Variants in CCDC73 observed in about 807,000 individuals in gnomAD.
CCDC73 encodes coiled-coil domain containing 73, also known as coiled-coil domain-containing protein 73.
A neutral mutation model predicts 116.5 loss-of-function variants in CCDC73; 95 were observed. The observed-to-expected ratio is 0.82, with a 90% CI of 0.69 to 0.97. The LOEUF (loss-of-function observed/expected upper bound fraction) is 0.97, where lower values mean the gene tolerates loss of function less well. CCDC73 is among the 50% of genes least tolerant of loss of function. The pLI is 0.00. For missense variants in CCDC73, 1,066 were observed against 1,206.8 expected (o/e 0.88, Z 1.73); for synonymous variants, 398 against 401.3 (o/e 0.99, Z 0.10).
chr11:32,759,612 C>A (rs1850373592), intron 2 of CCDC73, among the ~76,000 whole-genome samples: 5 of 152,068 alleles, frequency 3.3e-5, no homozygotes, highest in Admixed American at 3.3e-4. Flanking sequence ...CTAGACATAT[C>A]CTTTAAGAAA....
intron 2 of CCDC73, among the ~76,000 whole-genome samples, chr11:32,722,075 A>G (rs1849995048): frequency 2.0e-5 from 3 of 152,192 alleles, no homozygotes; most frequent in Admixed American, 2.0e-4. Context: ...TCTCACATGA[A>G]CAGGAGTCTA....
intron 14 of CCDC73, among the ~76,000 whole-genome samples, chr11:32,620,539 A>G (rs2133227187): frequency 7.3e-6 from 1 of 136,272 alleles, no homozygotes; most frequent in South Asian, 2.4e-4. Flanking sequence ...GGAACCTGGG[A>G]GGCGGAGCTT....
rs1261334992 is a variant in CCDC73 at position 32,602,870 on chromosome 11, T to TGTCA, written c.3177_3180dup (p.Asn1061Ter). The TGTCA allele has an allele frequency of 6.2e-7, 1 of 1,611,906 alleles. No homozygotes were observed. Among genetic ancestry groups the TGTCA allele is most frequent in the Admixed American group, 1.7e-5 (1 of 59,710 alleles). On this transcript the variant is annotated stop_gained and frameshift_variant, in exon 18 of 18. Transcript: ENST00000335185. LOFTEE classifies it high-confidence loss of function. ...TCTGCTTTTCTTTTCTTTGGCTGGT[T>TGTCA]GTCATTTTCTAAACTTAGTAAATTT...
intron 1 of CCDC73, among the ~76,000 whole-genome samples, chr11:32,781,225 G>A (rs1296256822): frequency 6.6e-6 from 1 of 152,136 alleles, no homozygotes; most frequent in African/African-American, 2.4e-5. Flanking sequence ...AGGACTCAGA[G>A]TCTTCTAATT....
intron 17 of CCDC73, among the ~76,000 whole-genome samples, chr11:32,607,360 G>A (rs1855368290): frequency 6.6e-6 from 1 of 151,956 alleles, no homozygotes; most frequent in Non-Finnish European, 1.5e-5. Context: ...CCAAAGTGCT[G>A]GGATTACAGG....
chr11:32,793,704 G>A (rs1245211335), intron 1 of CCDC73, among the ~76,000 whole-genome samples: 1 of 151,848 alleles, frequency 6.6e-6, no homozygotes, highest in African/African-American at 2.4e-5. Flanking sequence ...TCCGCCTCCC[G>A]GGTTCAAGCA....
chr11:32,785,000 C>A (rs1315034313), intron 1 of CCDC73, among the ~76,000 whole-genome samples: 1 of 151,998 alleles, frequency 6.6e-6, no homozygotes, highest in African/African-American at 2.4e-5. Flanking sequence ...ACGGTGAAAC[C>A]CCATCTCTAC....
chr11:32,663,269 T>G (rs989612349), intron 9 of CCDC73, among the ~76,000 whole-genome samples: 27 of 152,294 alleles, frequency 1.8e-4, no homozygotes, highest in South Asian at 4.1e-4. Context: ...AAATTACCTT[T>G]GGCAGTATGG....
intron 9 of CCDC73, among the ~76,000 whole-genome samples, chr11:32,673,655 T>C (rs944890267): frequency 8.5e-5 from 13 of 152,188 alleles, no homozygotes; most frequent in African/African-American, 2.9e-4. Context: ...AACTAGCCTA[T>C]ACAAAATTGA....
intron 13 of CCDC73, among the ~76,000 whole-genome samples, chr11:32,636,249 A>G (rs964915829): frequency 6.6e-6 from 1 of 152,176 alleles, no homozygotes; most frequent in African/African-American, 2.4e-5. Flanking sequence ...TTCATAAATA[A>G]GAATTTATGA....
chr11:32,692,592 C>T (rs1856271209), intron 6 of CCDC73, among the ~76,000 whole-genome samples: 1 of 152,092 alleles, frequency 6.6e-6, no homozygotes, highest in South Asian at 2.1e-4. Flanking sequence ...TCATCTATCC[C>T]ATTACTCCCA....
intron 9 of CCDC73, among the ~76,000 whole-genome samples, chr11:32,658,253 G>A (rs752720467): frequency 1.3e-5 from 2 of 152,018 alleles, no homozygotes; most frequent in African/African-American, 4.8e-5. Context: ...TTTCATTTAC[G>A]TAGTTCATTA....
At chr11:32,757,644 A>G (rs1228741339) in intron 2 of CCDC73, among the ~76,000 whole-genome samples, 5 of 152,166 alleles carry the variant, frequency 3.3e-5, no homozygotes, top group Non-Finnish European at 7.3e-5. Context: ...TGCTTCTTCC[A>G]GCTTCCACTT....
intron 1 of CCDC73, among the ~76,000 whole-genome samples, chr11:32,779,263 CAAAAAAAAAA>C (rs34184527): frequency 9.1e-6 from 1 of 110,062 alleles, no homozygotes; most frequent in Non-Finnish European, 1.9e-5. Flanking sequence ...TCATGTGGGG[CAAAAAAAAAA>C]AAAAAAAAAG....
At chr11:32,731,662 T>C (rs945463935) in intron 2 of CCDC73, among the ~76,000 whole-genome samples, 2 of 152,026 alleles carry the variant, frequency 1.3e-5, no homozygotes, top group Non-Finnish European at 2.9e-5. Flanking sequence ...GGGTCTGGAG[T>C]GGACCTCCAG....
chr11:32,737,200 T>G (rs114744295), intron 2 of CCDC73, among the ~76,000 whole-genome samples: 2,503 of 151,474 alleles, frequency 0.017, 72 homozygotes, highest in African/African-American at 0.056. Context: ...AAACATTCTT[T>G]ATTTTTAATA....
intron 7 of CCDC73, among the ~76,000 whole-genome samples, chr11:32,676,587 C>A (rs535116229): frequency 6.6e-6 from 1 of 152,122 alleles, no homozygotes; most frequent in Admixed American, 6.5e-5. Flanking sequence ...GAGTTTGAGA[C>A]CAGCCTAGGC....
At chr11:32,656,639 A>G (rs929717932) in intron 9 of CCDC73, among the ~76,000 whole-genome samples, 5 of 152,238 alleles carry the variant, frequency 3.3e-5, no homozygotes, top group Admixed American at 2.0e-4. Flanking sequence ...CAATGATGGT[A>G]TAAGCTGTGA....
intron 3 of CCDC73, among the ~76,000 whole-genome samples, chr11:32,707,865 C>A (rs1047183221): frequency 7.9e-5 from 12 of 152,130 alleles, no homozygotes; most frequent in African/African-American, 2.4e-4. Context: ...TCTGAAATCA[C>A]CCCCACCTCT....
Sources: allele counts gnomAD v4.1 joint callset (sites outside exome capture counted in the v4.1 genomes callset), GRCh38; gene constraint gnomAD v4.1.1; transcripts MANE v1.5; gene names NCBI Gene and HGNC (gene_info 2026-07-23, HGNC 2026-07-21).